Variants in LCORL observed in about 807,000 individuals in gnomAD.
LCORL encodes ligand dependent nuclear receptor corepressor like, also known as ligand-dependent nuclear receptor corepressor-like protein.
In LCORL, 41 loss-of-function variants were observed where a neutral mutation model predicts 141.8. The ratio of observed to expected loss-of-function variants is 0.29; its 90% CI spans 0.23 to 0.38. The LOEUF (loss-of-function observed/expected upper bound fraction) is 0.38. Ranked by LOEUF, LCORL falls within the 10% of genes least tolerant of loss-of-function variation. The pLI is 1.00. For synonymous variants in LCORL, 618 were observed against 694.1 expected (o/e 0.89, Z 1.72); for missense variants, 1,759 against 2,035.0 (o/e 0.86, Z 2.61).
chr4:17,908,532 T>C (rs1732016049), intron 5 of LCORL, among the ~76,000 whole-genome samples: 1 of 152,212 alleles, frequency 6.6e-6, no homozygotes, highest in Non-Finnish European at 1.5e-5. Flanking sequence ...TCTTCTTGCC[T>C]TTCCTCTGTG....
rs1487162799 is a variant in LCORL at position 18,021,254 on chromosome 4, T to C, written c.154+344A>G. Among the ~76,000 whole-genome samples, 1 of 152,108 alleles carries C rather than the reference T, an allele frequency of 6.6e-6. No homozygotes were observed. Among genetic ancestry groups the C allele is most frequent in the Non-Finnish European group, 1.5e-5 (1 of 67,976 alleles). ...ACCCACCGGGCCGCTTCCTCCGTCC[T>C]GTCAGGGTGGACGGCGGGCGACGGC... On this transcript the variant is annotated intron_variant, in intron 1 of 7. Transcript: ENST00000635767. The surrounding 1 kb of genome is among the most constrained non-coding windows in gnomAD (Gnocchi z 5.5).
intron 2 of LCORL, among the ~76,000 whole-genome samples, chr4:17,966,335 G>A (rs34533436): frequency 0.13 from 19,201 of 151,934 alleles, 1,347 homozygotes; most frequent in South Asian, 0.26. Flanking sequence ...CATCACTACT[G>A]ATCCTATGGG....
intron 4 of LCORL, among the ~76,000 whole-genome samples, chr4:17,946,131 G>T (rs1738839374): frequency 6.6e-6 from 1 of 151,878 alleles, no homozygotes; most frequent in Admixed American, 6.6e-5. Flanking sequence ...ACAAAACCAT[G>T]AAAACCCACC....
At chr4:17,859,891 T>C (rs578194441) in intron 7 of LCORL, among the ~76,000 whole-genome samples, 9 of 152,316 alleles carry the variant, frequency 5.9e-5, no homozygotes, top group Middle Eastern at 3.4e-3. Flanking sequence ...TGTAGGAATT[T>C]ATTCTTCATT....
At chr4:17,908,572 A>G (rs781774187) in intron 5 of LCORL, among the ~76,000 whole-genome samples, 17 of 152,268 alleles carry the variant, frequency 1.1e-4, no homozygotes, top group East Asian at 3.9e-4. Flanking sequence ...ATTAAACTCT[A>G]TAAGTCCAAC....
intron 4 of LCORL, among the ~76,000 whole-genome samples, chr4:17,942,968 C>T (rs887530998): frequency 4.6e-5 from 7 of 152,156 alleles, no homozygotes. Context: ...ATCTAGGTTG[C>T]ATACTCCTTA....
intron 5 of LCORL, among the ~76,000 whole-genome samples, chr4:17,898,714 C>T (rs988644596): frequency 7.1e-6 from 1 of 140,214 alleles, no homozygotes; most frequent in Non-Finnish European, 1.5e-5. Flanking sequence ...ATTTAACTAA[C>T]CAGGGCACTA....
chr4:17,970,455 C>A (rs11930105), intron 2 of LCORL, among the ~76,000 whole-genome samples: 37,724 of 152,086 alleles, frequency 0.25, 6,167 homozygotes, highest in African/African-American at 0.46. Flanking sequence ...AACAAACAAT[C>A]TAATGTAAAA....
intron 1 of LCORL, among the ~76,000 whole-genome samples, chr4:17,981,527 T>C (rs1225493909): frequency 1.3e-5 from 2 of 151,974 alleles, no homozygotes; most frequent in Admixed American, 1.3e-4. Context: ...GAGGCTGAGG[T>C]GGGCAGACTG....
At chr4:17,868,743 C>T (rs1274401558) in intron 7 of LCORL, among the ~76,000 whole-genome samples, 1 of 152,148 alleles carries the variant, frequency 6.6e-6, no homozygotes, top group Non-Finnish European at 1.5e-5. Flanking sequence ...TCACTATTCA[C>T]AGAACAGATA....
chr4:17,983,710 C>A (rs1017155725), intron 1 of LCORL, among the ~76,000 whole-genome samples: 6 of 152,074 alleles, frequency 3.9e-5, no homozygotes, highest in Admixed American at 6.5e-5. Flanking sequence ...TCTATATCAT[C>A]AGACAAGTAT....
intron 1 of LCORL, among the ~76,000 whole-genome samples, chr4:17,980,252 T>C (rs1717719939): frequency 6.6e-6 from 1 of 152,212 alleles, no homozygotes; most frequent in African/African-American, 2.4e-5. Flanking sequence ...AGGGTACAGA[T>C]CTACTAGAGG....
chr4:17,873,491 T>C (rs1726590404), exon 7 of LCORL: 1 of 1,233,902 alleles, frequency 8.1e-7, no homozygotes, highest in Non-Finnish European at 1.0e-6. Flanking sequence ...GTCTTTTTCT[T>C]TTGTTCAAAT....
At chr4:17,941,119 G>T (rs778890047) in intron 4 of LCORL, among the ~76,000 whole-genome samples, 7 of 152,116 alleles carry the variant, frequency 4.6e-5, no homozygotes, top group Non-Finnish European at 1.0e-4. Flanking sequence ...GCTCACGCCT[G>T]TAATGCCAGC....
At chr4:17,886,238 G>A in intron 5 of LCORL, 77 bp from the exon 6 acceptor site, 2 of 792,876 alleles carry the variant, frequency 2.5e-6, no homozygotes, top group Non-Finnish European at 4.3e-6. Context: ...TTCATATTTT[G>A]TTGATCTAAT....
intron 4 of LCORL, among the ~76,000 whole-genome samples, chr4:17,957,591 T>C (rs1240847638): frequency 6.6e-6 from 1 of 152,016 alleles, no homozygotes; most frequent in Non-Finnish European, 1.5e-5. Flanking sequence ...AGATTTCCTT[T>C]AATTCCTTCT....
chr4:17,851,977 C>A (rs1723779954), intron 7 of LCORL, among the ~76,000 whole-genome samples: 1 of 152,026 alleles, frequency 6.6e-6, no homozygotes, highest in Admixed American at 6.5e-5. Flanking sequence ...GTGTTCTTTG[C>A]CAATTAGTAT....
At chr4:17,974,872 C>G (rs925023295) in intron 1 of LCORL, among the ~76,000 whole-genome samples, 1 of 152,036 alleles carries the variant, frequency 6.6e-6, no homozygotes, top group African/African-American at 2.4e-5. Context: ...AAAAGTTGCT[C>G]AAAAGATTCT....
intron 4 of LCORL, among the ~76,000 whole-genome samples, chr4:17,935,508 T>C (rs1241873300): frequency 6.6e-6 from 1 of 152,192 alleles, no homozygotes; most frequent in Non-Finnish European, 1.5e-5. Context: ...CTTGGTGCTA[T>C]CCTCAGTAAT....
Sources: gnomAD v4.1 joint callset for allele counts (sites outside exome capture counted in the v4.1 genomes callset) on GRCh38, gnomAD v4.1.1 for gene constraint, Gnocchi (gnomAD v3.1) non-coding constraint, MANE v1.5 for transcripts, NCBI Gene and HGNC (gene_info 2026-07-23, HGNC 2026-07-21) for gene names.